Variants in DYM observed in about 807,000 individuals in gnomAD.
DYM encodes the protein dyggve-Melchior-Clausen syndrome protein.
A neutral mutation model predicts 93.1 loss-of-function variants in DYM; 78 were observed. The ratio of observed to expected loss-of-function variants is 0.84; its 90% CI spans 0.70 to 1.01. The LOEUF is 1.01. Among genes scored for constraint, DYM ranks in the 50% least tolerant of loss-of-function variants. The pLI is 0.00. For missense variants in DYM, 789 were observed against 845.0 expected (o/e 0.93, Z 0.82); for synonymous variants, 321 against 319.7 (o/e 1.00, Z -0.04).
chr18:49,228,237 G>A (rs1227147619), intron 13 of DYM, among the ~76,000 whole-genome samples: 1 of 152,080 alleles, frequency 6.6e-6, no homozygotes, highest in Admixed American at 6.6e-5. Flanking sequence ...TCTTATGTAT[G>A]GGAGTTCTAT....
At chr18:49,225,123 T>C (rs147826667) in intron 13 of DYM, among the ~76,000 whole-genome samples, 6 of 152,276 alleles carry the variant, frequency 3.9e-5, no homozygotes, top group African/African-American at 1.4e-4. Context: ...TCCTGAGATA[T>C]CGTTAATCCC....
At chr18:49,287,612 CGGTG>C (rs2059746220) in intron 8 of DYM, among the ~76,000 whole-genome samples, 1 of 151,886 alleles carries the variant, frequency 6.6e-6, no homozygotes, top group Non-Finnish European at 1.5e-5. Context: ...AGGCCTGGCA[CGGTG>C]GCTCACGCCT....
chr18:49,214,501 G>T (rs1160624541), intron 13 of DYM, among the ~76,000 whole-genome samples: 1 of 151,868 alleles, frequency 6.6e-6, no homozygotes, highest in Non-Finnish European at 1.5e-5. Context: ...TGCAACAAAG[G>T]TTGAGGACTG....
At chr18:49,362,423 C>G (rs756377977) in intron 6 of DYM, among the ~76,000 whole-genome samples, 34 of 152,086 alleles carry the variant, frequency 2.2e-4, no homozygotes, top group Non-Finnish European at 4.6e-4. Context: ...CCAGTTACAG[C>G]AGTGTTAACA....
intron 2 of DYM, among the ~76,000 whole-genome samples, chr18:49,418,339 T>C (rs911609572): frequency 6.6e-6 from 1 of 152,208 alleles, no homozygotes; most frequent in African/African-American, 2.4e-5. Context: ...ATCAGTCATA[T>C]AAGTAGTTTA....
intron 9 of DYM, among the ~76,000 whole-genome samples, chr18:49,284,127 T>C (rs2095060047): frequency 1.3e-5 from 2 of 152,140 alleles, no homozygotes; most frequent in Non-Finnish European, 2.9e-5. Context: ...AAGTAACAAA[T>C]TCACCAACCT....
chr18:49,199,901 T>G (rs1042872836), intron 14 of DYM, among the ~76,000 whole-genome samples: 1 of 152,062 alleles, frequency 6.6e-6, no homozygotes, highest in Non-Finnish European at 1.5e-5. Context: ...AAAGTATTCC[T>G]AAATTTGAAA....
intron 1 of DYM, among the ~76,000 whole-genome samples, chr18:49,446,933 C>T (rs552028526): frequency 6.6e-6 from 1 of 152,118 alleles, no homozygotes; most frequent in African/African-American, 2.4e-5. Context: ...GTGGCAGGCG[C>T]CTGTAATCCC....
intron 13 of DYM, among the ~76,000 whole-genome samples, chr18:49,220,568 T>A (rs1426075918): frequency 6.6e-6 from 1 of 151,240 alleles, no homozygotes; most frequent in Non-Finnish European, 1.5e-5. Flanking sequence ...TATAGATCAA[T>A]GGAACAGAAC....
At chr18:49,197,851 G>A (rs937968247) in intron 14 of DYM, among the ~76,000 whole-genome samples, 3 of 152,154 alleles carry the variant, frequency 2.0e-5, no homozygotes, top group African/African-American at 7.2e-5. Flanking sequence ...AGCTACCAAT[G>A]ACCTTCTTCA....
chr18:49,107,623 C>T (rs2080970397), intron 16 of DYM, among the ~76,000 whole-genome samples: 1 of 152,182 alleles, frequency 6.6e-6, no homozygotes, highest in Admixed American at 6.5e-5. Flanking sequence ...TTCCTTCTAA[C>T]AGTCAGGACC....
intron 1 of DYM, among the ~76,000 whole-genome samples, chr18:49,457,134 G>GAA (rs2083049419): frequency 6.6e-6 from 1 of 152,216 alleles, no homozygotes; most frequent in Admixed American, 6.5e-5. Context: ...AAGAACCTGA[G>GAA]AAGAGGCTGC....
chr18:49,391,673 T>C, intron 2 of DYM, 28 bp from the exon 3 acceptor site: 1 of 1,562,564 alleles, frequency 6.4e-7, no homozygotes, highest in Non-Finnish European at 8.8e-7. Context: ...TAAAGGTAAT[T>C]AATGACTATA....
chr18:49,065,385 G>A (rs953108183), intron 17 of DYM, among the ~76,000 whole-genome samples: 2 of 151,868 alleles, frequency 1.3e-5, no homozygotes, highest in Non-Finnish European at 1.5e-5. Flanking sequence ...TTTTTGAGAC[G>A]GAATTTCGCT....
intron 14 of DYM, among the ~76,000 whole-genome samples, chr18:49,186,711 G>A (rs76037304): frequency 6.6e-6 from 1 of 152,026 alleles, no homozygotes; most frequent in Non-Finnish European, 1.5e-5. Flanking sequence ...CGAAGAGAAT[G>A]TGAATTCTAA....
intron 2 of DYM, among the ~76,000 whole-genome samples, chr18:49,411,689 T>G (rs1280188487): frequency 6.6e-6 from 1 of 152,172 alleles, no homozygotes; most frequent in Non-Finnish European, 1.5e-5. Context: ...GTAAGTTTCA[T>G]AACATAAACA....
chr18:49,396,490 T>C (rs9956978), intron 2 of DYM, among the ~76,000 whole-genome samples: 30,396 of 152,086 alleles, frequency 0.2, 3,096 homozygotes, highest in Middle Eastern at 0.25. Flanking sequence ...GTGAGCATTA[T>C]CCTCTAAGCA....
intron 17 of DYM, among the ~76,000 whole-genome samples, chr18:49,061,331 G>A (rs1237752487): frequency 6.6e-6 from 1 of 152,072 alleles, no homozygotes; most frequent in Non-Finnish European, 1.5e-5. Flanking sequence ...TGGGGGGAAG[G>A]GCATCCCAGG....
intron 17 of DYM, among the ~76,000 whole-genome samples, chr18:49,082,757 A>T (rs72921677): frequency 0.043 from 6,583 of 152,248 alleles, 187 homozygotes; most frequent in Middle Eastern, 0.082. Flanking sequence ...TTACTTATTC[A>T]TTTTTTAATG....
Sources: allele counts gnomAD v4.1 joint callset (sites outside exome capture counted in the v4.1 genomes callset), GRCh38; gene constraint gnomAD v4.1.1; transcripts MANE v1.5; gene names NCBI Gene and HGNC (gene_info 2026-07-23, HGNC 2026-07-21).